EPHA3: variants seen among roughly 807,000 people sequenced by gnomAD.
The protein encoded by EPHA3 is EPH receptor A3.
EPHA3 carries 42 observed loss-of-function variants against 107.1 expected under a neutral mutation model. That is an observed-to-expected ratio of 0.39 (90% CI 0.31 to 0.51). EPHA3 has a LOEUF of 0.51. EPHA3 is among the 20% of genes least tolerant of loss of function. The probability of loss-of-function intolerance (pLI) is 0.78; values close to 1 mark genes in which losing one functional copy is unlikely to be tolerated. For synonymous variants in EPHA3, 461 were observed against 424.8 expected (o/e 1.09, Z -1.05); for missense variants, 1,183 against 1,211.2 (o/e 0.98, Z 0.35).
At chr3:89,381,532 G>T (rs1708508419) in intron 5 of EPHA3, among the ~76,000 whole-genome samples, 1 of 151,916 alleles carries the variant, frequency 6.6e-6, no homozygotes, top group African/African-American at 2.4e-5. Flanking sequence ...AGCCCGGCAT[G>T]GTGGCACATG....
intron 2 of EPHA3, among the ~76,000 whole-genome samples, chr3:89,161,588 T>C (rs1576194544): frequency 1.3e-5 from 2 of 152,196 alleles, no homozygotes; most frequent in East Asian, 3.9e-4. Context: ...GTTTTTTTAC[T>C]GACGGGCAGT....
At chr3:89,449,540 A>T (rs1709946136) in intron 14 of EPHA3, among the ~76,000 whole-genome samples, 166 bp downstream of exon 14, 1 of 152,190 alleles carries the variant, frequency 6.6e-6, no homozygotes, top group Non-Finnish European at 1.5e-5. Context: ...ATATTAATTG[A>T]ATTGTTCTTA....
At chr3:89,205,233 T>C (rs1706070831) in intron 2 of EPHA3, among the ~76,000 whole-genome samples, 1 of 152,210 alleles carries the variant, frequency 6.6e-6, no homozygotes, top group African/African-American at 2.4e-5. Flanking sequence ...AATAAAAATG[T>C]TTTCTATGAA....
chr3:89,231,719 A>C (rs1341042606), intron 3 of EPHA3, among the ~76,000 whole-genome samples: 1 of 152,194 alleles, frequency 6.6e-6, no homozygotes, highest in Non-Finnish European at 1.5e-5. Context: ...CCCACCCATT[A>C]TAAAGTTTAT....
chr3:89,385,526 TG>T (rs1196720184), intron 5 of EPHA3, among the ~76,000 whole-genome samples: 1 of 152,204 alleles, frequency 6.6e-6, no homozygotes, highest in Non-Finnish European at 1.5e-5. Context: ...CTGCCATGAT[TG>T]TAAATTTCCT....
At chr3:89,309,722 A>C (rs1706719410) in intron 3 of EPHA3, among the ~76,000 whole-genome samples, 1 of 152,146 alleles carries the variant, frequency 6.6e-6, no homozygotes, top group South Asian at 2.1e-4. Flanking sequence ...GGCCAAACCT[A>C]TGTTCCCTAG....
chr3:89,182,745 A>G (rs1180781281), intron 2 of EPHA3, among the ~76,000 whole-genome samples: 4 of 151,892 alleles, frequency 2.6e-5, no homozygotes, highest in African/African-American at 4.8e-5. Context: ...ATCAACAAAA[A>G]CTTAGCATAT....
In EPHA3 at chr3:89,357,848, C is replaced by G. The variant is rs577859377; in HGVS notation, c.1306+15758C>G. Among the ~76,000 whole-genome samples, 4 of 151,010 alleles carry G rather than the reference C, an allele frequency of 2.6e-5. 1 individual carries two copies. The highest frequency in any genetic ancestry group is 9.7e-5 in the African/African-American group (4 of 41,338). Reference sequence around the variant, plus strand: ...TCAGTTTAATTTGACATTTTTATATCTGAAAAGTTTGAAAAAAATCCCATC... The same window carrying G: ...TCAGTTTAATTTGACATTTTTATATGTGAAAAGTTTGAAAAAAATCCCATC... On this transcript the variant is annotated intron_variant, in intron 5 of 16. Transcript: ENST00000336596.
intron 3 of EPHA3, among the ~76,000 whole-genome samples, chr3:89,300,341 G>A (rs955448133): frequency 2.6e-5 from 4 of 151,826 alleles, no homozygotes; most frequent in African/African-American, 7.3e-5. Flanking sequence ...AAACTTATAT[G>A]TAAAGTTATA....
At chr3:89,400,176 A>G (rs934749927) in intron 7 of EPHA3, 45 of 559,828 alleles carry the variant, frequency 8.0e-5, no homozygotes, top group Non-Finnish European at 1.0e-4. Context: ...TACTTAACTC[A>G]TTTTTTTCTT....
chr3:89,395,888 T>C lies in EPHA3; in HGVS notation c.1358T>C (p.Ile453Thr). The C allele has an allele frequency of 6.2e-7, 1 of 1,614,076 alleles. No homozygotes were observed. The highest frequency in any genetic ancestry group is 8.5e-7 in the Non-Finnish European group (1 of 1,179,974). Residue 453 changes from isoleucine to threonine, a missense_variant, in exon 6 of 17, where the codon ATC becomes ACC. Ile to Thr is a moderately conservative substitution (Grantham distance 89, BLOSUM62 -1). Transcript: ENST00000336596. ...AAAGATCGGACCTCCAGAAATAGCA[T>C]CTCTTTGTCCTGGCAAGAACCTGAA... is the stretch of plus-strand genomic sequence containing the variant. ...IKKDRTSRNSISLSWQEPEHP... is the reference protein window; with the variant it reads ...IKKDRTSRNSTSLSWQEPEHP...
chr3:89,139,308 C>A (rs562398094), intron 2 of EPHA3, among the ~76,000 whole-genome samples: 10 of 151,920 alleles, frequency 6.6e-5, no homozygotes, highest in African/African-American at 2.4e-4. Context: ...TAGGTTTACT[C>A]AAAAGTCTTC....
At chr3:89,326,086 A>G (rs1354956086) in intron 3 of EPHA3, among the ~76,000 whole-genome samples, 1 of 151,140 alleles carries the variant, frequency 6.6e-6, no homozygotes, top group African/African-American at 2.4e-5. Context: ...TGTGATTATG[A>G]TGATCATTAA....
At chr3:89,173,168 A>G (rs935955500) in intron 2 of EPHA3, among the ~76,000 whole-genome samples, 12 of 152,102 alleles carry the variant, frequency 7.9e-5, no homozygotes, top group African/African-American at 2.9e-4. Context: ...GTGCTGTATC[A>G]TGTAACTCTA....
rs1396606061 is a variant in EPHA3 at position 89,336,601 on chromosome 3, T to G, written c.815-4315T>G. On this transcript the variant is annotated intron_variant, in intron 3 of 16. Transcript: ENST00000336596. ...TCATTGAACAGTTTTGGTGGAGAAT[T>G]GAGATACTACTTGGACAAGAAATGG... Among the ~76,000 whole-genome samples, 7 of 152,278 alleles carry G rather than the reference T, an allele frequency of 4.6e-5. No homozygotes were observed. In the East Asian group the frequency reaches 1.4e-3, roughly 29 times the overall value.
At chr3:89,245,499 T>C (rs1705009746) in intron 3 of EPHA3, among the ~76,000 whole-genome samples, 1 of 152,206 alleles carries the variant, frequency 6.6e-6, no homozygotes, top group Non-Finnish European at 1.5e-5. Flanking sequence ...ATATTATGCC[T>C]TGCCAAATAA....
chr3:89,281,424 A>G (rs1705945737), intron 3 of EPHA3, among the ~76,000 whole-genome samples: 1 of 152,192 alleles, frequency 6.6e-6, no homozygotes, highest in Admixed American at 6.5e-5. Context: ...GAGCCAAGAT[A>G]TGAATGCAGC....
Position 89,419,198 on chromosome 3 carries a change from A to G in EPHA3, c.1889-7A>G. On this transcript the variant is annotated splice_region_variant and splice_polypyrimidine_tract_variant and intron_variant, in intron 10 of 16. Transcript: ENST00000336596. ...TTACATTTTGTTGCTGTTCTGCTTTATAACAGGTGAATTTGGAGAGGTGTG... is the reference window on the plus strand; with the variant it reads ...TTACATTTTGTTGCTGTTCTGCTTTGTAACAGGTGAATTTGGAGAGGTGTG... 1.3e-6 allele frequency: 2 copies of G among 1,589,260 alleles called. No individual in the cohort carries two copies. Among genetic ancestry groups the G allele is most frequent in the Non-Finnish European group, 8.5e-7 (1 of 1,170,112 alleles).
intron 2 of EPHA3, among the ~76,000 whole-genome samples, chr3:89,197,786 G>A (rs1170428838): frequency 1.3e-5 from 2 of 152,026 alleles, no homozygotes; most frequent in Non-Finnish European, 2.9e-5. Flanking sequence ...GACTAGCCTG[G>A]CCAACATGGT....
Sources: gnomAD v4.1 joint callset for allele counts (sites outside exome capture counted in the v4.1 genomes callset) on GRCh38, gnomAD v4.1.1 for gene constraint, MANE v1.5 for transcripts, NCBI Gene and HGNC (gene_info 2026-07-23, HGNC 2026-07-21) for gene names.